The following HS6ST3 variants were observed in gnomAD, a reference collection of about 807,000 sequenced individuals.
The protein encoded by HS6ST3 is heparan sulfate 6-O-sulfotransferase 3, also known as heparan-sulfate 6-O-sulfotransferase 3.
HS6ST3 carries 12 observed loss-of-function variants against 36.7 expected under a neutral mutation model. The ratio of observed to expected loss-of-function variants is 0.33; its 90% CI spans 0.21 to 0.53. The LOEUF is 0.53. HS6ST3 is among the 20% of genes least tolerant of loss of function. The probability of loss-of-function intolerance (pLI) is 0.95; values close to 1 mark genes in which losing one functional copy is unlikely to be tolerated. For synonymous variants in HS6ST3, 240 were observed against 257.5 expected (o/e 0.93, Z 0.65); for missense variants, 584 against 640.9 (o/e 0.91, Z 0.96).
Position 96,155,056 on chromosome 13 carries a change from A to G in HS6ST3, c.707+63487A>G, listed in dbSNP as rs904722018. On this transcript the variant is annotated intron_variant, in intron 1 of 1. Coordinates refer to ENST00000376705, the MANE Select transcript of HS6ST3 (RefSeq NM_153456.4). ...ATGCTCAGCACTATGGAAATGGTTA[A>G]GTTAATCATTCAGTTATATATTGTT... is the stretch of plus-strand genomic sequence containing the variant. Among the ~76,000 whole-genome samples the G allele has an allele frequency of 4.4e-4, 67 of 152,194 alleles. 1 individual carries two copies. The highest frequency in any genetic ancestry group is 8.8e-5 in the Non-Finnish European group (6 of 68,006).
At chr13:96,739,521 T>A (rs983390459) in intron 1 of HS6ST3, among the ~76,000 whole-genome samples, 25 of 152,068 alleles carry the variant, frequency 1.6e-4, no homozygotes, top group African/African-American at 5.3e-4. Flanking sequence ...AATGGCCACT[T>A]CTTTTAGTTG....
chr13:96,460,884 A>G (rs1468332456), intron 1 of HS6ST3, among the ~76,000 whole-genome samples: 2 of 152,192 alleles, frequency 1.3e-5, no homozygotes, highest in Non-Finnish European at 2.9e-5. Context: ...TGTTCAAACA[A>G]TGCATGGGAG....
chr13:96,726,884 A>G (rs1312903274), intron 1 of HS6ST3, among the ~76,000 whole-genome samples: 1 of 152,076 alleles, frequency 6.6e-6, no homozygotes, highest in Non-Finnish European at 1.5e-5. Context: ...GTCAGCAGTA[A>G]TTCATATGCT....
At chr13:96,445,408 T>C (rs991640436) in intron 1 of HS6ST3, among the ~76,000 whole-genome samples, 13 of 152,154 alleles carry the variant, frequency 8.5e-5, no homozygotes, top group Admixed American at 3.9e-4. Flanking sequence ...TGAAGTCTTA[T>C]AGATAATGAA....
rs139288148 is a variant in HS6ST3, at chr13:96,491,183, AATTATCTC to A, written c.708-341301_708-341294del. 3.1e-3 allele frequency among the ~76,000 whole-genome samples: 479 copies of A among 152,184 alleles called. 1 individual carries two copies. The highest frequency in any genetic ancestry group is 0.011 in the African/African-American group (458 of 41,522). ...AAGGGAAACACCATTTATTTGAGGGAATTATCTCATTATTTTTTGCTAACCAAACACAT... is the reference window on the plus strand; with the variant it reads ...AAGGGAAACACCATTTATTTGAGGGAATTATTTTTTGCTAACCAAACACAT... On this transcript the variant is annotated intron_variant, in intron 1 of 1. Transcript: ENST00000376705.
intron 1 of HS6ST3, among the ~76,000 whole-genome samples, chr13:96,214,897 A>C (rs2054416541): frequency 6.6e-6 from 1 of 152,194 alleles, no homozygotes; most frequent in Non-Finnish European, 1.5e-5. Context: ...TCTGAGAAAA[A>C]GAGAGACGTG....
intron 1 of HS6ST3, among the ~76,000 whole-genome samples, chr13:96,642,930 C>A (rs2056575309): frequency 6.6e-6 from 1 of 151,754 alleles, no homozygotes; most frequent in Admixed American, 6.6e-5. Context: ...TTGCTTTTTT[C>A]CCCTGTGTTT....
intron 1 of HS6ST3, among the ~76,000 whole-genome samples, chr13:96,234,682 A>G (rs1162866639): frequency 1.3e-5 from 2 of 152,082 alleles, no homozygotes; most frequent in African/African-American, 4.8e-5. Context: ...ACCCACCCCC[A>G]TGGTTCAATT....
At chr13:96,259,999 A>G (rs915661614) in intron 1 of HS6ST3, among the ~76,000 whole-genome samples, 30 of 152,180 alleles carry the variant, frequency 2.0e-4, no homozygotes, top group Admixed American at 6.5e-5. Flanking sequence ...AGTGATGATT[A>G]TATTGTTTCC....
At chr13:96,786,943 G>A (rs560964346) in intron 1 of HS6ST3, among the ~76,000 whole-genome samples, 1 of 152,072 alleles carries the variant, frequency 6.6e-6, no homozygotes, top group South Asian at 2.1e-4. Flanking sequence ...ACTATAGTTT[G>A]TCTTTTCAGA....
intron 1 of HS6ST3, among the ~76,000 whole-genome samples, chr13:96,555,660 T>C (rs1030354873): frequency 7.2e-5 from 11 of 152,294 alleles, no homozygotes; most frequent in African/African-American, 2.4e-4. Context: ...GATGTAAATA[T>C]CACTTCTATA....
intron 1 of HS6ST3, among the ~76,000 whole-genome samples, chr13:96,100,597 G>T (rs1474435556): frequency 2.0e-5 from 3 of 152,180 alleles, no homozygotes; most frequent in Non-Finnish European, 4.4e-5. Flanking sequence ...TTCTGGAGAG[G>T]AGGTGTTTGC....
chr13:96,764,289 C>G (rs1214343217), intron 1 of HS6ST3, among the ~76,000 whole-genome samples: 1 of 152,108 alleles, frequency 6.6e-6, no homozygotes, highest in Non-Finnish European at 1.5e-5. Context: ...AGTGATTGGT[C>G]TTATTAACTA....
chr13:96,236,161 G>A (rs1026017776), intron 1 of HS6ST3, among the ~76,000 whole-genome samples: 6 of 152,082 alleles, frequency 3.9e-5, no homozygotes, highest in South Asian at 2.1e-4. Flanking sequence ...CTCATTTTAC[G>A]GCTGCTTTTT....
chr13:96,518,482 T>C (rs2056081390), intron 1 of HS6ST3, among the ~76,000 whole-genome samples: 1 of 152,176 alleles, frequency 6.6e-6, no homozygotes, highest in Non-Finnish European at 1.5e-5. Flanking sequence ...AATATTATCT[T>C]GTGTACAAAA....
intron 1 of HS6ST3, among the ~76,000 whole-genome samples, chr13:96,642,875 T>C (rs183558736): frequency 6.6e-6 from 1 of 152,090 alleles, no homozygotes; most frequent in East Asian, 1.9e-4. Flanking sequence ...AAAGTCTTTG[T>C]AGTAAGTCCA....
Position 96,270,606 on chromosome 13 carries a change from T to A in HS6ST3, c.707+179037T>A, listed in dbSNP as rs116901600. Among the ~76,000 whole-genome samples the A allele has an allele frequency of 2.0e-3, 244 of 121,364 alleles. 1 individual carries two copies. The highest frequency in any genetic ancestry group is 3.3e-3 in the Non-Finnish European group (183 of 55,910). The allele number at this position is 121,364 out of a possible 152,430, so 79.6% of individuals were successfully genotyped here. A position where few individuals can be genotyped will look rare whatever the true frequency, so the allele number is the denominator to read the frequency against. On this transcript the variant is annotated intron_variant, in intron 1 of 1. Coordinates refer to ENST00000376705, the MANE Select transcript of HS6ST3 (RefSeq NM_153456.4). ...CATTCAGTCACTCATTTAGAAGTAA[T>A]GCTGAGGGTATATAAAGAGTTGTGC... is the stretch of plus-strand genomic sequence containing the variant.
At chr13:96,451,975 C>G (rs763773277) in intron 1 of HS6ST3, among the ~76,000 whole-genome samples, 3 of 152,024 alleles carry the variant, frequency 2.0e-5, no homozygotes, top group Non-Finnish European at 4.4e-5. Context: ...TTTATGTGAT[C>G]GTTTTTACCT....
At chr13:96,737,351 C>A (rs962655274) in intron 1 of HS6ST3, among the ~76,000 whole-genome samples, 2 of 152,044 alleles carry the variant, frequency 1.3e-5, no homozygotes, top group African/African-American at 4.8e-5. Context: ...TTTGGCCGGG[C>A]GCGGTGGTTC....
Sources: gnomAD v4.1 joint callset for allele counts (sites outside exome capture counted in the v4.1 genomes callset) on GRCh38, gnomAD v4.1.1 for gene constraint, MANE v1.5 for transcripts, NCBI Gene and HGNC (gene_info 2026-07-23, HGNC 2026-07-21) for gene names.